The following DLGAP2 variants were observed in gnomAD, a reference collection of about 807,000 sequenced individuals.
The protein encoded by DLGAP2 is disks large-associated protein 2.
In DLGAP2, 26 loss-of-function variants were observed where a neutral mutation model predicts 100.3. The ratio of observed to expected loss-of-function variants is 0.26; its 90% CI spans 0.19 to 0.36. The LOEUF is 0.36. DLGAP2 is among the 10% of genes least tolerant of loss of function. The pLI is 1.00. For synonymous variants in DLGAP2, 886 were observed against 630.1 expected (o/e 1.41, Z -6.08); for missense variants, 1,858 against 1,453.2 (o/e 1.28, Z -4.53).
chr8:1,495,736 G>T (rs1304197253), intron 3 of DLGAP2, among the ~76,000 whole-genome samples: 2 of 152,226 alleles, frequency 1.3e-5, no homozygotes, highest in African/African-American at 2.4e-5. Context: ...CAGCTCGAGT[G>T]GTGGCCGTGC....
chr8:1,225,682 G>T (rs79923245), intron 2 of DLGAP2, among the ~76,000 whole-genome samples: 282 of 152,304 alleles, frequency 1.9e-3, no homozygotes, highest in African/African-American at 6.2e-3. Flanking sequence ...TTTCTACTAG[G>T]TACATACTAC....
intron 14 of DLGAP2, among the ~76,000 whole-genome samples, chr8:1,698,554 G>C (rs576677476): frequency 6.8e-6 from 1 of 147,614 alleles, no homozygotes; most frequent in Non-Finnish European, 1.5e-5. Flanking sequence ...GACTAGACAG[G>C]TCCAAGTAAG....
chr8:1,126,766 C>G (rs1415044527), intron 2 of DLGAP2, among the ~76,000 whole-genome samples: 1 of 152,090 alleles, frequency 6.6e-6, no homozygotes, highest in Non-Finnish European at 1.5e-5. Flanking sequence ...TGTGCAGAGA[C>G]TCTTGAGGGG....
chr8:820,039 A>G (rs1044897880), intron 1 of DLGAP2, among the ~76,000 whole-genome samples: 1 of 152,220 alleles, frequency 6.6e-6, no homozygotes, highest in Admixed American at 6.5e-5. Flanking sequence ...TACTAAGAGA[A>G]ACACACTAGT....
intron 2 of DLGAP2, among the ~76,000 whole-genome samples, chr8:1,251,155 C>T (rs4317604): frequency 0.76 from 115,992 of 152,164 alleles, 44,985 homozygotes; most frequent in Middle Eastern, 0.89. Context: ...ATATCATTAC[C>T]ACAATTTCTC....
At chr8:1,556,308 G>T (rs1012726253) in intron 5 of DLGAP2, among the ~76,000 whole-genome samples, 1 of 152,236 alleles carries the variant, frequency 6.6e-6, no homozygotes, top group South Asian at 2.1e-4. Flanking sequence ...TCCTGTGGGT[G>T]TGCAGGTGGG....
At chr8:1,042,220 C>A (rs778986538) in intron 2 of DLGAP2, among the ~76,000 whole-genome samples, 1 of 152,192 alleles carries the variant, frequency 6.6e-6, no homozygotes, top group Non-Finnish European at 1.5e-5. Flanking sequence ...CTGCTCACCC[C>A]CTGGCTGTGG....
chr8:1,167,689 G>C (rs1270287416), intron 2 of DLGAP2, among the ~76,000 whole-genome samples: 2 of 152,100 alleles, frequency 1.3e-5, no homozygotes, highest in Non-Finnish European at 2.9e-5. Flanking sequence ...GAATATTCTT[G>C]GTTTATGGAA....
At chr8:1,216,038 C>A (rs920595166) in intron 2 of DLGAP2, among the ~76,000 whole-genome samples, 3 of 152,228 alleles carry the variant, frequency 2.0e-5, no homozygotes, top group African/African-American at 4.8e-5. Flanking sequence ...TTGGGAGGAG[C>A]TTTCTGGTGC....
intron 2 of DLGAP2, among the ~76,000 whole-genome samples, chr8:1,134,923 G>T (rs1796373530): frequency 6.6e-6 from 1 of 152,126 alleles, no homozygotes; most frequent in South Asian, 2.1e-4. Context: ...TAAACACTTG[G>T]GGGTTACCAT....
chr8:995,520 C>A (rs983909392), intron 2 of DLGAP2, among the ~76,000 whole-genome samples: 1 of 152,156 alleles, frequency 6.6e-6, no homozygotes, highest in Non-Finnish European at 1.5e-5. Context: ...ATTTCCATTA[C>A]ATATATGCAT....
At chr8:1,632,732 G>C in intron 7 of DLGAP2, 95 bp from the exon 8 acceptor site, 1 of 1,266,390 alleles carries the variant, frequency 7.9e-7, no homozygotes, top group Non-Finnish European at 1.1e-6. Flanking sequence ...GGCAGTGAAA[G>C]GCAGCCTGGG....
chr8:928,797 G>A (rs1211674455), intron 2 of DLGAP2, among the ~76,000 whole-genome samples: 2 of 152,002 alleles, frequency 1.3e-5, no homozygotes, highest in African/African-American at 2.4e-5. Flanking sequence ...GAAGGGACTC[G>A]AGGATTTTCT....
intron 2 of DLGAP2, among the ~76,000 whole-genome samples, chr8:956,576 C>A (rs556465930): frequency 6.6e-6 from 1 of 152,200 alleles, no homozygotes. Context: ...CACAGAGCCA[C>A]GCATCGTGGG....
At chr8:801,269 A>C (rs1341298781) in intron 1 of DLGAP2, among the ~76,000 whole-genome samples, 1 of 152,234 alleles carries the variant, frequency 6.6e-6, no homozygotes, top group African/African-American at 2.4e-5. Flanking sequence ...GAAGCAGTTT[A>C]AGGAAATAAG....
chr8:1,443,285 C>G (rs894067961), intron 3 of DLGAP2, among the ~76,000 whole-genome samples: 1 of 151,590 alleles, frequency 6.6e-6, no homozygotes, highest in Non-Finnish European at 1.5e-5. Flanking sequence ...CCAGCCTTCC[C>G]TCCACTGCCC....
At chr8:921,302 C>T (rs924510264) in intron 2 of DLGAP2, among the ~76,000 whole-genome samples, 11 of 152,212 alleles carry the variant, frequency 7.2e-5, no homozygotes, top group Admixed American at 3.3e-4. Context: ...CCCGTCCTCC[C>T]TGTTGCAGTG....
chr8:1,257,301 A>G (rs59728032), intron 2 of DLGAP2, among the ~76,000 whole-genome samples: 15,025 of 152,020 alleles, frequency 0.099, 1,949 homozygotes, highest in African/African-American at 0.3. Flanking sequence ...CGAAGGAACC[A>G]TGAGAGCCTG....
chr8:1,082,196 C>A (rs970599043), intron 2 of DLGAP2, among the ~76,000 whole-genome samples: 2 of 152,120 alleles, frequency 1.3e-5, no homozygotes, highest in Non-Finnish European at 2.9e-5. Flanking sequence ...TCTTGTCGAT[C>A]TAGAACTCGA....
Sources: allele counts gnomAD v4.1 joint callset (sites outside exome capture counted in the v4.1 genomes callset), GRCh38; gene constraint gnomAD v4.1.1; transcripts MANE v1.5; gene names NCBI Gene and HGNC (gene_info 2026-07-23, HGNC 2026-07-21).